Variants in TIMP2 observed in about 807,000 individuals in gnomAD.
The protein encoded by TIMP2 is metalloproteinase inhibitor 2.
Under a neutral mutation model 24.3 loss-of-function variants are expected in TIMP2, and 5 were observed. That is an observed-to-expected ratio of 0.21 (90% CI 0.11 to 0.43). TIMP2 has a LOEUF of 0.43. Among genes scored for constraint, TIMP2 ranks in the 20% least tolerant of loss-of-function variants. The pLI is 1.00. For synonymous variants in TIMP2, 130 were observed against 123.2 expected, an observed-to-expected ratio of 1.06 and a Z score of -0.37; for missense variants, 221 against 297.5, an observed-to-expected ratio of 0.74 and a Z score of 1.89.
Position 78,896,394 on chromosome 17 carries a change from C to T in TIMP2, c.131-22475G>A, listed in dbSNP as rs2070000013. Among the ~76,000 whole-genome samples, 1 of 152,196 alleles carries T rather than the reference C, an allele frequency of 6.6e-6. No individual in the cohort carries two copies. The highest frequency in any genetic ancestry group is 1.5e-5 in the Non-Finnish European group (1 of 68,042). ...CAGCCCAGTGTCTCTCCAGCCCTGC[C>T]AGACAGGACGTCGGGTGCCCTTGGC... is the stretch of plus-strand genomic sequence containing the variant. On this transcript the variant is annotated intron_variant, in intron 1 of 4. Transcript: ENST00000262768. This position sits in a 1 kb window ranked among gnomAD's most constrained non-coding sequence, Gnocchi z 4.4.
intron 1 of TIMP2, among the ~76,000 whole-genome samples, chr17:78,876,369 A>T (rs763936478): frequency 6.6e-6 from 1 of 151,164 alleles, no homozygotes; most frequent in Non-Finnish European, 1.5e-5. Context: ...TTTTTTTTTT[A>T]GACAGAGTCT....
At chr17:78,873,996 C>A (rs1347561382) in intron 1 of TIMP2, 77 bp from the exon 2 acceptor site, 3 of 1,391,886 alleles carry the variant, frequency 2.2e-6, no homozygotes, top group Non-Finnish European at 3.0e-6. Context: ...ATAAGACGTC[C>A]AGGCCTGCGG....
chr17:78,892,641 C>T (rs958431734), intron 1 of TIMP2: 2 of 901,570 alleles, frequency 2.2e-6, no homozygotes, highest in African/African-American at 3.4e-5. Flanking sequence ...GTCCTGTACA[C>T]TTTTGACAAG....
intron 1 of TIMP2, among the ~76,000 whole-genome samples, chr17:78,910,936 T>C (rs1173412032): frequency 6.6e-6 from 1 of 152,208 alleles, no homozygotes; most frequent in Non-Finnish European, 1.5e-5. Flanking sequence ...GGGGTGCAGG[T>C]GTCTCTCTGA....
Position 78,873,810 on chromosome 17 carries a change from CA to C in TIMP2, c.231+8del, listed in dbSNP as rs1567994596. The C allele has an allele frequency of 6.2e-7, 1 of 1,610,126 alleles. No individual in the cohort carries two copies. Among genetic ancestry groups the C allele is most frequent in the East Asian group, 2.2e-5 (1 of 44,834 alleles). ...CAGTGCAGCCCGGGATGCCGGCAGC[CA>C]CTATTACCTTTATCTGCTTGATCTC... On this transcript the variant is annotated splice_region_variant and intron_variant, in intron 2 of 4. Transcript: ENST00000262768.
chr17:78,890,475 G>C, intron 1 of TIMP2: 1 of 792,888 alleles, frequency 1.3e-6, no homozygotes, highest in Admixed American at 3.1e-5. Flanking sequence ...CAAAGTGCTG[G>C]GATTACAGGC....
At chr17:78,880,889 A>G (rs991977111) in intron 1 of TIMP2, among the ~76,000 whole-genome samples, 3 of 152,208 alleles carry the variant, frequency 2.0e-5, no homozygotes, top group Non-Finnish European at 4.4e-5. Flanking sequence ...TGGGACAGGC[A>G]AACCGGTGGA....
At chr17:78,869,453 A>G (rs2069653073) in intron 3 of TIMP2, among the ~76,000 whole-genome samples, 1 of 150,900 alleles carries the variant, frequency 6.6e-6, no homozygotes. Context: ...ATAAACAAAG[A>G]GATGCAACAA....
chr17:78,921,371 C>T lies in TIMP2; in HGVS notation c.130+3588G>A, dbSNP rs571657009. ...TGGGAACATGTGAGGAAGATGTCAT[C>T]GCAGAGGTCTTCTAGGATAATGTGT... On this transcript the variant is annotated intron_variant, in intron 1 of 4. Coordinates refer to ENST00000262768, the MANE Select transcript of TIMP2 (RefSeq NM_003255.5). Among the ~76,000 whole-genome samples, 12 of 152,326 alleles carry T rather than the reference C, an allele frequency of 7.9e-5. No homozygotes were observed. The South Asian group carries it at 2.3e-3, about 29-fold the overall frequency.
chr17:78,883,955 CT>C (rs1179847868), intron 1 of TIMP2, among the ~76,000 whole-genome samples: 1 of 152,234 alleles, frequency 6.6e-6, no homozygotes, highest in Non-Finnish European at 1.5e-5. Context: ...CATTCACGTG[CT>C]GCTGAATCAC....
intron 3 of TIMP2, among the ~76,000 whole-genome samples, chr17:78,859,088 C>CG (rs2069547964): frequency 6.6e-6 from 1 of 152,154 alleles, no homozygotes; most frequent in African/African-American, 2.4e-5. Context: ...GTGCTTCTCC[C>CG]ATTTGAGTTT....
chr17:78,889,697 G>A lies in TIMP2; in HGVS notation c.131-15778C>T, dbSNP rs372850639. On this transcript the variant is annotated intron_variant, in intron 1 of 4. Coordinates refer to ENST00000262768, the MANE Select transcript of TIMP2 (RefSeq NM_003255.5). ...CCCCTGAAAACAGACTGTCACCCAGGCTGGAATGTAGTGACATGATCGGCT... is the reference window on the plus strand; with the variant it reads ...CCCCTGAAAACAGACTGTCACCCAGACTGGAATGTAGTGACATGATCGGCT... Among the ~76,000 whole-genome samples, 115 of 152,324 alleles carry A rather than the reference G, an allele frequency of 7.5e-4. 3 individuals carry two copies. The highest frequency in any genetic ancestry group is 2.3e-3 in the African/African-American group (96 of 41,576).
intron 3 of TIMP2, among the ~76,000 whole-genome samples, chr17:78,866,208 T>C (rs369970224): frequency 6.6e-4 from 101 of 152,334 alleles, no homozygotes; most frequent in African/African-American, 2.1e-3. Flanking sequence ...CTCTGTTCTG[T>C]GCACAGCTGC....
chr17:78,903,495 A>G (rs1568005391), intron 1 of TIMP2, among the ~76,000 whole-genome samples: 1 of 152,102 alleles, frequency 6.6e-6, no homozygotes, highest in Non-Finnish European at 1.5e-5. Context: ...ATTCTCTCTG[A>G]GCTGTCAGGC....
At chr17:78,904,477 A>G (rs2070139026) in intron 1 of TIMP2, 1 of 152,072 alleles carries the variant, frequency 6.6e-6, no homozygotes, top group African/African-American at 2.4e-5. Context: ...ACCTGAGACA[A>G]AGCCCTTTGT....
chr17:78,879,257 A>G (rs4796814), intron 1 of TIMP2, among the ~76,000 whole-genome samples: 141,101 of 151,954 alleles, frequency 0.93, 65,603 homozygotes, highest in African/African-American at 0.95. Context: ...GAGGAGGGAG[A>G]GAGAGCTCTC....
At position 78,924,218 on chromosome 17, in the gene TIMP2, G is replaced by C. The variant is rs140439341; in HGVS notation, c.130+741C>G. On this transcript the variant is annotated intron_variant, in intron 1 of 4. Coordinates refer to ENST00000262768, the MANE Select transcript of TIMP2 (RefSeq NM_003255.5). The surrounding 1 kb of genome is among the most constrained non-coding windows in gnomAD (Gnocchi z 5.3). ...TCCGGAGGTCATGGGTATTTGCTGG[G>C]GAATCTGAGCAGCAGCACAGTCCCA... Among the ~76,000 whole-genome samples the C allele has an allele frequency of 2.3e-4, 35 of 152,344 alleles. 1 individual carries two copies. Among genetic ancestry groups the C allele is most frequent in the African/African-American group, 8.4e-4 (35 of 41,584 alleles).
intron 1 of TIMP2, among the ~76,000 whole-genome samples, chr17:78,885,817 C>T (rs975139679): frequency 3.9e-5 from 6 of 152,188 alleles, no homozygotes; most frequent in Admixed American, 2.6e-4. Flanking sequence ...AGGGCTCTCA[C>T]CAGCTCCTGG....
chr17:78,899,858 C>T (rs985731112), intron 1 of TIMP2: 1 of 152,228 alleles, frequency 6.6e-6, no homozygotes, highest in African/African-American at 2.4e-5. Context: ...TCTCCAGAAG[C>T]CCAGCACCCG....
Sources: allele counts gnomAD v4.1 joint callset (sites outside exome capture counted in the v4.1 genomes callset), GRCh38; gene constraint gnomAD v4.1.1; non-coding constraint Gnocchi (gnomAD v3.1); transcripts MANE v1.5; gene names NCBI Gene and HGNC (gene_info 2026-07-23, HGNC 2026-07-21).